Variants in C1orf185 observed in about 807,000 individuals in gnomAD.
C1orf185 encodes the protein uncharacterized protein C1orf185.
A neutral mutation model predicts 16.1 loss-of-function variants in C1orf185; 13 were observed. The ratio of observed to expected loss-of-function variants is 0.81; its 90% CI spans 0.53 to 1.28. The LOEUF (loss-of-function observed/expected upper bound fraction) is 1.28. C1orf185 is among the 50% of genes most tolerant of loss of function. C1orf185 has a pLI of 0.00. For missense variants in C1orf185, 220 were observed against 225.2 expected (o/e 0.98, Z 0.15); for synonymous variants, 80 against 76.9 (o/e 1.04, Z -0.21).
chr1:51,138,873 A>G (rs184416976), intron 3 of C1orf185, among the ~76,000 whole-genome samples: 1 of 152,122 alleles, frequency 6.6e-6, no homozygotes, highest in East Asian at 1.9e-4. Context: ...TTTTTAGCAG[A>G]GGTGGGGTTT....
chr1:51,102,306 T>C, intron 1 of C1orf185, 57 bp downstream of exon 1: 1 of 705,214 alleles, frequency 1.4e-6, no homozygotes, highest in South Asian at 1.5e-5. Context: ...GAGGAAAATA[T>C]ATTTAGACGA....
intron 3 of C1orf185, among the ~76,000 whole-genome samples, chr1:51,140,085 G>C (rs1044139092): frequency 2.0e-5 from 3 of 152,144 alleles, no homozygotes; most frequent in African/African-American, 4.8e-5. Context: ...CACTGAGAAT[G>C]GCAAATAATT....
chr1:51,114,394 C>T (rs1460063860), intron 2 of C1orf185, among the ~76,000 whole-genome samples: 1 of 152,182 alleles, frequency 6.6e-6, no homozygotes, highest in Non-Finnish European at 1.5e-5. Context: ...TCAGACTTAG[C>T]CCCATGAGGT....
At chr1:51,130,604 G>A (rs1227760525) in intron 3 of C1orf185, among the ~76,000 whole-genome samples, 1 of 152,110 alleles carries the variant, frequency 6.6e-6, no homozygotes, top group Non-Finnish European at 1.5e-5. Flanking sequence ...CACATGCAAT[G>A]GATATCTCAT....
chr1:51,151,812 C>T (rs1221677181), downstream of C1orf185, among the ~76,000 whole-genome samples: 1 of 152,054 alleles, frequency 6.6e-6, no homozygotes, highest in Non-Finnish European at 1.5e-5. Flanking sequence ...CCTCAGCCTT[C>T]CACATAGCTG....
At chr1:51,124,535 G>A (rs1172895858) in intron 3 of C1orf185, among the ~76,000 whole-genome samples, 1 of 152,154 alleles carries the variant, frequency 6.6e-6, no homozygotes, top group Non-Finnish European at 1.5e-5. Context: ...TGCAGATCAG[G>A]GCTAATTCAT....
intron 3 of C1orf185, among the ~76,000 whole-genome samples, chr1:51,140,465 A>G (rs1167290141): frequency 6.6e-6 from 1 of 152,094 alleles, no homozygotes. Flanking sequence ...TCTAATGTGT[A>G]TCTTAGGTTT....
intron 1 of C1orf185, among the ~76,000 whole-genome samples, chr1:51,110,897 A>AGG (rs1167881278): frequency 1.4e-5 from 2 of 148,132 alleles, no homozygotes; most frequent in African/African-American, 2.5e-5. Context: ...TGAACCCAGG[A>AGG]GTCGGAGGTT....
intron 3 of C1orf185, among the ~76,000 whole-genome samples, chr1:51,128,979 G>A (rs1011941806): frequency 1.8e-4 from 27 of 151,962 alleles, no homozygotes; most frequent in African/African-American, 6.0e-4. Context: ...CTGCCTTCCT[G>A]GTTCAAGTGA....
At chr1:51,118,163 G>T (rs193261074) in intron 2 of C1orf185, among the ~76,000 whole-genome samples, 4,985 of 152,130 alleles carry the variant, frequency 0.033, 132 homozygotes, top group Non-Finnish European at 0.05. Flanking sequence ...CAAGTGATCC[G>T]CCCGCCTTGA....
intron 1 of C1orf185, chr1:51,107,214 C>T (rs1646079578): frequency 6.6e-6 from 1 of 152,228 alleles, no homozygotes; most frequent in Non-Finnish European, 1.5e-5. Flanking sequence ...ACCCGCCACT[C>T]CATAAAAGGC....
intron 1 of C1orf185, among the ~76,000 whole-genome samples, chr1:51,106,783 G>C (rs1168382839): frequency 7.0e-6 from 1 of 143,004 alleles, no homozygotes; most frequent in Non-Finnish European, 1.5e-5. Flanking sequence ...TTTTGAGACA[G>C]AGTCTTGCTG....
chr1:51,140,301 A>G (rs372419475), intron 3 of C1orf185, among the ~76,000 whole-genome samples: 29 of 152,114 alleles, frequency 1.9e-4, no homozygotes, highest in African/African-American at 6.3e-4. Context: ...GGTTTTGGTC[A>G]TCTGAAAATG....
intron 3 of C1orf185, among the ~76,000 whole-genome samples, chr1:51,132,680 A>T (rs565351301): frequency 2.6e-5 from 4 of 152,288 alleles, no homozygotes; most frequent in African/African-American, 9.6e-5. Flanking sequence ...TCAGGATACC[A>T]TCCATCTCTT....
chr1:51,106,484 A>G (rs1269823154), intron 1 of C1orf185, among the ~76,000 whole-genome samples: 2 of 152,086 alleles, frequency 1.3e-5, no homozygotes, highest in Non-Finnish European at 2.9e-5. Context: ...TAAAAAAATT[A>G]AAAAGATTAG....
rs112726813 is a variant in C1orf185 at position 51,108,029 on chromosome 1, G to A, written c.17-4435G>A. ...TGTCTAAGACTTGAATTGCTGGATC[G>A]TAAGTATGCATGTGTTCAGCTTTCA... is the stretch of plus-strand genomic sequence containing the variant. On this transcript the variant is annotated intron_variant, in intron 1 of 4. Transcript: ENST00000371759. Among the ~76,000 whole-genome samples, 292 of 152,244 alleles carry A rather than the reference G, an allele frequency of 1.9e-3. 3 individuals are homozygous for A. The highest frequency in any genetic ancestry group is 6.7e-3 in the African/African-American group (277 of 41,534).
chr1:51,102,911 T>G (rs936580258), intron 1 of C1orf185, among the ~76,000 whole-genome samples: 1 of 152,176 alleles, frequency 6.6e-6, no homozygotes, highest in Non-Finnish European at 1.5e-5. Context: ...TATTTATGCA[T>G]AGTATTTTCA....
intron 3 of C1orf185, among the ~76,000 whole-genome samples, chr1:51,137,209 AT>A (rs1187530672): frequency 6.6e-6 from 1 of 152,194 alleles, no homozygotes; most frequent in South Asian, 2.1e-4. Context: ...CCACAATGAG[AT>A]ACCATCTCAC....
intron 1 of C1orf185, among the ~76,000 whole-genome samples, chr1:51,110,902 G>C (rs1438320175): frequency 6.6e-6 from 1 of 151,560 alleles, no homozygotes; most frequent in Non-Finnish European, 1.5e-5. Flanking sequence ...CCAGGAGTCG[G>C]AGGTTGCAGT....
Sources: allele counts gnomAD v4.1 joint callset (sites outside exome capture counted in the v4.1 genomes callset), GRCh38; gene constraint gnomAD v4.1.1; transcripts MANE v1.5; gene names NCBI Gene and HGNC (gene_info 2026-07-23, HGNC 2026-07-21).